The following RSU1 variants were observed in gnomAD, a reference collection of about 807,000 sequenced individuals.
RSU1 encodes the protein rsu-1.
RSU1 carries 26 observed loss-of-function variants against 31.1 expected under a neutral mutation model. That is an observed-to-expected ratio of 0.84 (90% confidence interval 0.61 to 1.16). The LOEUF is 1.16. Among genes scored for constraint, RSU1 ranks in the 50% most tolerant of loss-of-function variants. RSU1 has a pLI of 0.00. For synonymous variants in RSU1, 164 were observed against 136.3 expected, an observed-to-expected ratio of 1.20 and a Z score of -1.41; for missense variants, 320 against 339.1, an observed-to-expected ratio of 0.94 and a Z score of 0.44.
intron 8 of RSU1, among the ~76,000 whole-genome samples, chr10:16,597,991 A>G (rs895384610): frequency 1.6e-4 from 25 of 152,200 alleles, no homozygotes; most frequent in Admixed American, 3.3e-4. Flanking sequence ...TGCAGTCACA[A>G]CAAGCTCCAA....
chr10:16,751,938 T>G (rs1368767290), intron 7 of RSU1, among the ~76,000 whole-genome samples: 2 of 151,962 alleles, frequency 1.3e-5, no homozygotes, highest in African/African-American at 4.8e-5. Flanking sequence ...ACCCTGGAAA[T>G]AGGAACGACC....
At chr10:16,792,946 G>A (rs113917075) in intron 2 of RSU1, among the ~76,000 whole-genome samples, 12 of 152,330 alleles carry the variant, frequency 7.9e-5, no homozygotes, top group Admixed American at 3.3e-4. Flanking sequence ...TGCTTAAAAC[G>A]CCTGCCCATG....
intron 4 of RSU1, among the ~76,000 whole-genome samples, chr10:16,757,351 A>G (rs1402673504): frequency 1.3e-5 from 2 of 152,132 alleles, no homozygotes; most frequent in East Asian, 1.9e-4. Context: ...ATTCAGCTCC[A>G]TCCAGCCCTA....
In RSU1 at chr10:16,798,541, C is replaced by T. The variant is rs569248413; in HGVS notation, c.110-16457G>A. Among the ~76,000 whole-genome samples, 4 of 152,212 alleles carry T rather than the reference C, an allele frequency of 2.6e-5. No homozygotes were observed. The East Asian group carries it at 7.8e-4, about 30-fold the overall frequency. On this transcript the variant is annotated intron_variant, in intron 2 of 8. Transcript: ENST00000345264. Reference sequence around the variant, plus strand: ...GCTCAGCACTTCTCCATCCTACTGCCTTGTGAAAAAGGCACCTTGCTTTCC... The same window carrying T: ...GCTCAGCACTTCTCCATCCTACTGCTTTGTGAAAAAGGCACCTTGCTTTCC...
At chr10:16,646,339 A>G (rs1285456563) in intron 8 of RSU1, among the ~76,000 whole-genome samples, 1 of 152,150 alleles carries the variant, frequency 6.6e-6, no homozygotes, top group African/African-American at 2.4e-5. Context: ...TCAAGACTCA[A>G]AACAGCCCCT....
intron 8 of RSU1, among the ~76,000 whole-genome samples, chr10:16,614,397 A>G (rs544404209): frequency 6.6e-6 from 1 of 151,922 alleles, no homozygotes; most frequent in East Asian, 1.9e-4. Flanking sequence ...AAAAGTAGCA[A>G]TGGTTAATGG....
rs7922396 is a variant in RSU1, at chr10:16,692,166, C to A, written c.731+2857G>T. 2.7e-3 allele frequency among the ~76,000 whole-genome samples: 407 copies of A among 152,090 alleles called. 4 individuals carry two copies. The highest frequency in any genetic ancestry group is 2.1e-3 in the Non-Finnish European group (143 of 67,990). On this transcript the variant is annotated intron_variant, in intron 8 of 8. Transcript: ENST00000345264. ...ACACATTGCTTAGACTACGCCAACC[C>A]CCCAAAATAGGATGCTAATAACAGA...
chr10:16,771,605 C>T (rs191263707), intron 3 of RSU1, among the ~76,000 whole-genome samples: 173 of 149,648 alleles, frequency 1.2e-3, no homozygotes, highest in African/African-American at 4.1e-3. Context: ...CTTTATATGC[C>T]AAAAAAAAAG....
At chr10:16,764,271 A>G in intron 4 of RSU1, 119 bp downstream of exon 4, 1 of 1,232,146 alleles carries the variant, frequency 8.1e-7, no homozygotes, top group Non-Finnish European at 1.1e-6. Context: ...CCAAAACATA[A>G]AAAGAAATTA....
intron 8 of RSU1, among the ~76,000 whole-genome samples, chr10:16,644,009 G>A (rs1834491569): frequency 6.6e-6 from 1 of 151,950 alleles, no homozygotes; most frequent in South Asian, 2.1e-4. Flanking sequence ...TTCAAGTATA[G>A]GGGAGGATGT....
At chr10:16,670,131 C>A (rs917644925) in intron 8 of RSU1, among the ~76,000 whole-genome samples, 1 of 152,142 alleles carries the variant, frequency 6.6e-6, no homozygotes, top group African/African-American at 2.4e-5. Context: ...CTAAGCTGAC[C>A]AGGTGAATTG....
chr10:16,773,043 C>CA (rs35207962), intron 3 of RSU1, among the ~76,000 whole-genome samples: 2 of 151,614 alleles, frequency 1.3e-5, no homozygotes, highest in East Asian at 1.9e-4. Context: ...CCCACCTCTA[C>CA]AAAAAAATTA....
chr10:16,787,509 T>A (rs761232914), intron 2 of RSU1, among the ~76,000 whole-genome samples: 1 of 152,182 alleles, frequency 6.6e-6, no homozygotes, highest in South Asian at 2.1e-4. Flanking sequence ...CCCACTGATA[T>A]GGTTAGGCTG....
intron 7 of RSU1, among the ~76,000 whole-genome samples, chr10:16,708,681 T>C (rs879679655): frequency 3.9e-5 from 6 of 152,164 alleles, no homozygotes; most frequent in African/African-American, 9.7e-5. Flanking sequence ...AATATGGCCA[T>C]CTTAACTATA....
At chr10:16,617,517 C>G (rs1381664453) in intron 8 of RSU1, among the ~76,000 whole-genome samples, 1 of 152,130 alleles carries the variant, frequency 6.6e-6, no homozygotes, top group Non-Finnish European at 1.5e-5. Flanking sequence ...AAAAAAGAGC[C>G]CATATAGCCA....
At chr10:16,627,268 G>A (rs975913542) in intron 8 of RSU1, among the ~76,000 whole-genome samples, 1 of 152,174 alleles carries the variant, frequency 6.6e-6, no homozygotes, top group African/African-American at 2.4e-5. Context: ...GTACTCAACA[G>A]TCAATTCTAT....
chr10:16,767,384 T>G (rs1415062165), intron 3 of RSU1: 2 of 152,222 alleles, frequency 1.3e-5, no homozygotes, highest in African/African-American at 2.4e-5. Context: ...AGAGATTATT[T>G]CACTCTCCTT....
At chr10:16,604,776 C>G (rs753477496) in intron 8 of RSU1, among the ~76,000 whole-genome samples, 3 of 152,184 alleles carry the variant, frequency 2.0e-5, no homozygotes, top group African/African-American at 7.2e-5. Flanking sequence ...ATGACTCAGT[C>G]TTAGGTCCAT....
intron 7 of RSU1, among the ~76,000 whole-genome samples, chr10:16,739,466 C>CTTTTTTTTTTTTTT (rs35664560): frequency 1.1e-5 from 1 of 94,248 alleles, no homozygotes. Context: ...CATTTTCTTC[C>CTTTTTTTTTTTTTT]TTTTTTTTTT....
Sources: gnomAD v4.1 joint callset for allele counts (sites outside exome capture counted in the v4.1 genomes callset) on GRCh38, gnomAD v4.1.1 for gene constraint, MANE v1.5 for transcripts, NCBI Gene and HGNC (gene_info 2026-07-23, HGNC 2026-07-21) for gene names.